Variants in POU6F2 observed in about 807,000 individuals in gnomAD.
The protein encoded by POU6F2 is POU class 6 homeobox 2.
In POU6F2, 31 loss-of-function variants were observed where a neutral mutation model predicts 71.3. That is an observed-to-expected ratio of 0.43 (90% CI 0.33 to 0.59). The LOEUF (loss-of-function observed/expected upper bound fraction) is 0.59, where lower values mean the gene tolerates loss of function less well. POU6F2 is among the 20% of genes least tolerant of loss of function. The probability of loss-of-function intolerance (pLI) is 0.04; values close to 1 mark genes in which losing one functional copy is unlikely to be tolerated. For synonymous variants in POU6F2, 347 were observed against 355.7 expected (o/e 0.98, Z 0.27); for missense variants, 783 against 856.8 (o/e 0.91, Z 1.07).
chr7:39,243,079 T>C (rs1362149460), intron 4 of POU6F2, among the ~76,000 whole-genome samples: 1 of 152,204 alleles, frequency 6.6e-6, no homozygotes, highest in Non-Finnish European at 1.5e-5. Flanking sequence ...CATACCTATT[T>C]CATAGTTCTG....
intron 1 of POU6F2, among the ~76,000 whole-genome samples, chr7:39,053,361 G>C (rs924884648): frequency 3.5e-4 from 53 of 152,060 alleles, no homozygotes; most frequent in African/African-American, 1.3e-3. Flanking sequence ...CTTTCTAAAA[G>C]AGAATCCTGA....
intron 7 of POU6F2, among the ~76,000 whole-genome samples, chr7:39,437,435 G>A (rs745508450): frequency 9.2e-5 from 14 of 152,126 alleles, no homozygotes; most frequent in Non-Finnish European, 1.6e-4. Context: ...TTACCTGGTG[G>A]TAGTTTGTAT....
intron 8 of POU6F2, among the ~76,000 whole-genome samples, chr7:39,454,686 AT>A (rs1788748926): frequency 1.2e-4 from 3 of 24,544 alleles, no homozygotes; most frequent in Admixed American, 4.4e-4. Flanking sequence ...ATATATATAT[AT>A]ATATATATAT....
chr7:39,358,979 A>AT (rs1385120930), intron 5 of POU6F2, among the ~76,000 whole-genome samples: 3 of 152,082 alleles, frequency 2.0e-5, no homozygotes, highest in Admixed American at 6.5e-5. Context: ...TCTTGGCAGC[A>AT]TGTTAAACAC....
intron 4 of POU6F2, among the ~76,000 whole-genome samples, chr7:39,300,500 G>C (rs1236060770): frequency 1.3e-5 from 2 of 152,206 alleles, no homozygotes; most frequent in African/African-American, 4.8e-5. Context: ...CTTCGGCATA[G>C]TTGGCTCGGG....
At chr7:39,320,353 T>C (rs1433388406) in intron 4 of POU6F2, among the ~76,000 whole-genome samples, 1 of 152,172 alleles carries the variant, frequency 6.6e-6, no homozygotes, top group African/African-American at 2.4e-5. Flanking sequence ...CCCCCGCAGA[T>C]GCTGTCAGTC....
chr7:39,136,316 C>T lies in POU6F2; in HGVS notation c.277+50285C>T, dbSNP rs186315816. On this transcript the variant is annotated intron_variant, in intron 2 of 9. Coordinates refer to ENST00000518318, the MANE Select transcript of POU6F2 (RefSeq NM_001370959.1). ...GGGTGAAGGTGGAATAGAACTTACC[C>T]TACCAGATACCAAAATGTATTGTGG... Among the ~76,000 whole-genome samples, 103 of 152,236 alleles carry T rather than the reference C, an allele frequency of 6.8e-4. 1 individual carries two copies. The highest frequency in any genetic ancestry group is 1.2e-3 in the Non-Finnish European group (83 of 68,002).
intron 2 of POU6F2, among the ~76,000 whole-genome samples, chr7:39,123,789 TA>T (rs1421948950): frequency 3.3e-5 from 5 of 152,190 alleles, no homozygotes; most frequent in Non-Finnish European, 7.4e-5. Context: ...TTTTTTTTTT[TA>T]TTCTTTATTT....
At chr7:39,120,693 T>C (rs1792022853) in intron 2 of POU6F2, 1 of 152,256 alleles carries the variant, frequency 6.6e-6, no homozygotes, top group African/African-American at 2.4e-5. Context: ...GCATTTATTT[T>C]TTAAAATGAA....
chr7:39,397,231 C>G (rs1038969465), intron 5 of POU6F2, among the ~76,000 whole-genome samples: 1 of 151,800 alleles, frequency 6.6e-6, no homozygotes, highest in East Asian at 1.9e-4. Flanking sequence ...GGAGCACAGG[C>G]GTTACACAGG....
intron 5 of POU6F2, among the ~76,000 whole-genome samples, chr7:39,364,454 A>G (rs1786456934): frequency 6.6e-6 from 1 of 152,090 alleles, no homozygotes; most frequent in African/African-American, 2.4e-5. Flanking sequence ...AGTCCATTGT[A>G]TCATTCTTAT....
At chr7:39,187,023 A>G (rs1793555152) in intron 2 of POU6F2, among the ~76,000 whole-genome samples, 1 of 152,224 alleles carries the variant, frequency 6.6e-6, no homozygotes, top group African/African-American at 2.4e-5. Context: ...CCCTTCAAAT[A>G]TAAGGTAACA....
chr7:39,297,342 A>G (rs970757806), intron 4 of POU6F2, among the ~76,000 whole-genome samples: 5 of 152,036 alleles, frequency 3.3e-5, no homozygotes, highest in African/African-American at 9.7e-5. Flanking sequence ...CGGGTTTCCT[A>G]TTGGCATTTA....
chr7:39,374,639 G>A (rs1264855288), intron 5 of POU6F2, among the ~76,000 whole-genome samples: 2 of 152,212 alleles, frequency 1.3e-5, no homozygotes, highest in African/African-American at 4.8e-5. Context: ...ATAAGCAAAT[G>A]TTTTCAAATG....
At chr7:39,137,186 G>T (rs1792405269) in intron 2 of POU6F2, among the ~76,000 whole-genome samples, 1 of 152,066 alleles carries the variant, frequency 6.6e-6, no homozygotes, top group Non-Finnish European at 1.5e-5. Flanking sequence ...TGAAATGGTG[G>T]ATATGCTAAT....
In POU6F2 at chr7:39,466,352, G is replaced by A; in HGVS notation, c.*1666G>A. ...AATAAGCAAGGACATGTTGGGATGT[G>A]AGGACGGCTGTGCAGGTGAGCACTT... On this transcript the variant is annotated 3_prime_UTR_variant, in exon 10 of 10. Coordinates refer to ENST00000518318, the MANE Select transcript of POU6F2 (RefSeq NM_001370959.1). 6.6e-6 allele frequency: 1 copy of A among 152,274 alleles called. No individual in the cohort carries two copies. The highest frequency in any genetic ancestry group is 1.9e-4 in the East Asian group (1 of 5,200). 9.4% of individuals were successfully genotyped at this position (152,274 alleles called of 1,614,324 possible). A position where few individuals can be genotyped will look rare whatever the true frequency, so the allele number is the denominator to read the frequency against.
At chr7:39,234,053 T>C (rs1027429461) in intron 4 of POU6F2, among the ~76,000 whole-genome samples, 1 of 152,154 alleles carries the variant, frequency 6.6e-6, no homozygotes, top group Non-Finnish European at 1.5e-5. Context: ...TTGGCACGCA[T>C]ATGCTAAGCA....
At chr7:39,341,451 A>G (rs1216125365) in intron 5 of POU6F2, among the ~76,000 whole-genome samples, 1 of 152,206 alleles carries the variant, frequency 6.6e-6, no homozygotes, top group African/African-American at 2.4e-5. Context: ...TTCATTGTCC[A>G]CTTGACACCT....
chr7:39,194,967 A>G (rs1793754504), intron 2 of POU6F2, among the ~76,000 whole-genome samples: 1 of 152,070 alleles, frequency 6.6e-6, no homozygotes, highest in African/African-American at 2.4e-5. Flanking sequence ...TGAAGGAACA[A>G]ACTCCGCACA....
Sources: allele counts gnomAD v4.1 joint callset (sites outside exome capture counted in the v4.1 genomes callset), GRCh38; gene constraint gnomAD v4.1.1; transcripts MANE v1.5; gene names NCBI Gene and HGNC (gene_info 2026-07-23, HGNC 2026-07-21).